Variants in SAXO1 observed in about 807,000 individuals in gnomAD.
The protein encoded by SAXO1 is 4930500O09Rik.
SAXO1 carries 21 observed loss-of-function variants against 17.5 expected under a neutral mutation model. The observed-to-expected ratio is 1.20, with a 90% CI of 0.85 to 1.72. SAXO1 has a LOEUF of 1.72. Ranked by LOEUF, SAXO1 falls within the 40% of genes most tolerant of loss-of-function variation. SAXO1 has a pLI of 0.00. For missense variants in SAXO1, 843 were observed against 596.0 expected, an observed-to-expected ratio of 1.41 and a Z score of -4.32; for synonymous variants, 274 against 216.5, an observed-to-expected ratio of 1.27 and a Z score of -2.33.
At chr9:19,036,048 T>C (rs1248351871), upstream of SAXO1, among the ~76,000 whole-genome samples, 8 of 136,310 alleles carry the variant, frequency 5.9e-5, no homozygotes, top group Non-Finnish European at 1.2e-4. Flanking sequence ...AAGTGGGAGC[T>C]GAACAATGAG....
chr9:18,940,197 G>C (rs1356432284), intron 3 of SAXO1, among the ~76,000 whole-genome samples: 1 of 152,234 alleles, frequency 6.6e-6, no homozygotes, highest in East Asian at 1.9e-4. Context: ...GACTGTCGTG[G>C]TGGGAGGAGA....
chr9:19,028,157 C>G lies in SAXO1; in HGVS notation c.38+4714G>C. The G allele has an allele frequency of 4.7e-6, 7 of 1,495,680 alleles. No individual in the cohort carries two copies. In the South Asian group the frequency reaches 8.0e-5, roughly 17 times the overall value. The allele number at this position is 1,495,680 out of a possible 1,614,324, so 92.7% of individuals were successfully genotyped here. On this transcript the variant is annotated intron_variant, in intron 1 of 3. Coordinates refer to ENST00000380534, the MANE Select transcript of SAXO1 (RefSeq NM_153707.4). Reference sequence around the variant, plus strand: ...TAGGGCACGGCAGGCCAGCCCCGGACTCGCGGCTGAAGTGCGCAATAAAAG... The same window carrying G: ...TAGGGCACGGCAGGCCAGCCCCGGAGTCGCGGCTGAAGTGCGCAATAAAAG...
intron 1 of SAXO1, among the ~76,000 whole-genome samples, chr9:18,992,058 C>G (rs1475664476): frequency 6.6e-6 from 1 of 152,176 alleles, no homozygotes; most frequent in African/African-American, 2.4e-5. Context: ...CAGAACCCCC[C>G]AATGAGATAG....
intron 1 of SAXO1, among the ~76,000 whole-genome samples, chr9:19,013,198 G>C (rs141041332): frequency 6.9e-4 from 105 of 152,268 alleles, no homozygotes; most frequent in Middle Eastern, 3.4e-3. Context: ...GAGAAGCGAT[G>C]AAAGACTAAA....
chr9:18,944,781 G>A (rs1327442123), intron 2 of SAXO1, among the ~76,000 whole-genome samples: 1 of 152,194 alleles, frequency 6.6e-6, no homozygotes, highest in Non-Finnish European at 1.5e-5. Context: ...ACGTAACAGT[G>A]AGCTAGGGTC....
rs561069058 is a variant in SAXO1, at chr9:18,990,171, T to C, written c.39-39234A>G. ...CACACCAAGCAGGAGTCATGGACTTTTTTTTTTTTTTTCCTAACAACTACC... is the reference window on the plus strand; with the variant it reads ...CACACCAAGCAGGAGTCATGGACTTCTTTTTTTTTTTTCCTAACAACTACC... On this transcript the variant is annotated intron_variant, in intron 1 of 3. Transcript: ENST00000380534. Among the ~76,000 whole-genome samples the C allele has an allele frequency of 2.9e-3, 440 of 151,354 alleles. 1 individual carries two copies. Among genetic ancestry groups the C allele is most frequent in the African/African-American group, 0.01 (414 of 41,326 alleles).
chr9:19,024,801 A>G lies in SAXO1; in HGVS notation c.38+8070T>C, dbSNP rs528623351. ...AGCTGTTTCCACCCCTCCACCACCCATCCCGAGACATGTCATCTTTCCAAA... is the reference window on the plus strand; with the variant it reads ...AGCTGTTTCCACCCCTCCACCACCCGTCCCGAGACATGTCATCTTTCCAAA... On this transcript the variant is annotated intron_variant, in intron 1 of 3. Coordinates refer to ENST00000380534, the MANE Select transcript of SAXO1 (RefSeq NM_153707.4). 2.6e-5 allele frequency among the ~76,000 whole-genome samples: 4 copies of G among 151,928 alleles called. No homozygotes were observed. The South Asian group carries it at 8.3e-4, about 32-fold the overall frequency.
intron 1 of SAXO1, among the ~76,000 whole-genome samples, chr9:18,965,621 A>G (rs901766772): frequency 6.8e-6 from 1 of 147,580 alleles, no homozygotes; most frequent in African/African-American, 2.6e-5. Flanking sequence ...CCGTCCCTTT[A>G]TTTTGAGCCT....
At chr9:19,006,478 A>T (rs1834484815) in intron 1 of SAXO1, among the ~76,000 whole-genome samples, 1 of 152,258 alleles carries the variant, frequency 6.6e-6, no homozygotes, top group South Asian at 2.1e-4. Flanking sequence ...ACATGAGTGA[A>T]CCTTAGAGAC....
intron 1 of SAXO1, among the ~76,000 whole-genome samples, chr9:19,040,239 C>T (rs7043115): frequency 0.49 from 73,937 of 152,034 alleles, 19,630 homozygotes; most frequent in African/African-American, 0.71. Flanking sequence ...TGTTAAGAAA[C>T]AGCAAATGAA....
intron 1 of SAXO1, among the ~76,000 whole-genome samples, chr9:19,031,612 A>G (rs1303105434): frequency 6.6e-6 from 1 of 152,224 alleles, no homozygotes; most frequent in Non-Finnish European, 1.5e-5. Context: ...GCTTGGTAAC[A>G]TGTAGTCCTA....
chr9:18,944,207 G>C (rs1445778667), intron 2 of SAXO1, among the ~76,000 whole-genome samples: 1 of 152,002 alleles, frequency 6.6e-6, no homozygotes, highest in African/African-American at 2.4e-5. Flanking sequence ...TATGGGGGGT[G>C]GGGGGAAGCG....
chr9:19,002,987 G>C (rs1027567751), intron 1 of SAXO1, among the ~76,000 whole-genome samples: 2 of 152,182 alleles, frequency 1.3e-5, no homozygotes, highest in African/African-American at 2.4e-5. Flanking sequence ...TATATATTTA[G>C]AAAACCCCAT....
intron 1 of SAXO1, among the ~76,000 whole-genome samples, chr9:18,998,220 A>G (rs1834093504): frequency 1.3e-5 from 2 of 152,142 alleles, no homozygotes; most frequent in Non-Finnish European, 2.9e-5. Flanking sequence ...ACCTTGAAAA[A>G]AGGTTAGATG....
intron 1 of SAXO1, among the ~76,000 whole-genome samples, chr9:18,989,674 G>A (rs1461534982): frequency 2.0e-5 from 3 of 152,030 alleles, no homozygotes; most frequent in Non-Finnish European, 4.4e-5. Context: ...CACTAAAAGA[G>A]CTAAGAAGTG....
At chr9:19,007,142 A>G (rs1184409277) in intron 1 of SAXO1, among the ~76,000 whole-genome samples, 1 of 151,800 alleles carries the variant, frequency 6.6e-6, no homozygotes, top group Admixed American at 6.6e-5. Context: ...AGGTCAAGAG[A>G]TCGAGACCAT....
At position 18,994,467 on chromosome 9, in the gene SAXO1, A is replaced by G. The variant is rs547061517; in HGVS notation, c.38+38404T>C. 3.7e-4 allele frequency among the ~76,000 whole-genome samples: 57 copies of G among 152,328 alleles called. No individual in the cohort carries two copies. The South Asian group carries it at 0.012, about 31-fold the overall frequency. On this transcript the variant is annotated intron_variant, in intron 1 of 3. Transcript: ENST00000380534. ...ATTTATACTACGTGCTCACTGGTAG[A>G]CCACCCAGTGTTGTAACAATAAAAG...
chr9:19,044,416 G>T (rs935471572), intron 1 of SAXO1, among the ~76,000 whole-genome samples: 2 of 152,158 alleles, frequency 1.3e-5, no homozygotes, highest in Admixed American at 6.5e-5. Context: ...CTGGCAGATT[G>T]AACACACGCA....
chr9:18,931,577 A>G (rs1230257366), intron 3 of SAXO1, among the ~76,000 whole-genome samples: 2 of 152,238 alleles, frequency 1.3e-5, no homozygotes, highest in African/African-American at 4.8e-5. Flanking sequence ...GCTTTTTAAA[A>G]AAGATACTGC....
Sources: allele counts gnomAD v4.1 joint callset (sites outside exome capture counted in the v4.1 genomes callset), GRCh38; gene constraint gnomAD v4.1.1; transcripts MANE v1.5; gene names NCBI Gene and HGNC (gene_info 2026-07-23, HGNC 2026-07-21).